FBN2: variants seen among roughly 807,000 people sequenced by gnomAD.
The protein encoded by FBN2 is fibrillin-2.
In FBN2, 105 loss-of-function variants were observed where a neutral mutation model predicts 355.6. The observed-to-expected ratio is 0.30, with a 90% CI of 0.25 to 0.35. The LOEUF (loss-of-function observed/expected upper bound fraction) is 0.35. FBN2 is among the 10% of genes least tolerant of loss of function. The pLI is 1.00. For synonymous variants in FBN2, 1,350 were observed against 1,301.2 expected (o/e 1.04, Z -0.81); for missense variants, 3,280 against 3,758.7 (o/e 0.87, Z 3.33).
At chr5:128,461,045 C>G (rs886647282) in intron 6 of FBN2, among the ~76,000 whole-genome samples, 10 of 152,130 alleles carry the variant, frequency 6.6e-5, no homozygotes, top group African/African-American at 2.4e-4. Context: ...GCAAAAGTAA[C>G]TATCATTAGA....
chr5:128,340,793 AGT>A (rs1750993111), intron 25 of FBN2, among the ~76,000 whole-genome samples: 1 of 151,886 alleles, frequency 6.6e-6, no homozygotes, highest in Non-Finnish European at 1.5e-5. Flanking sequence ...TCTCATAGAA[AGT>A]GCTCTCTCTT....
chr5:128,459,284 A>T (rs1357269526), intron 6 of FBN2, among the ~76,000 whole-genome samples: 1 of 152,134 alleles, frequency 6.6e-6, no homozygotes, highest in Non-Finnish European at 1.5e-5. Context: ...ACCACTAACA[A>T]GCTCTGAAAT....
chr5:128,509,107 T>C (rs763362896), intron 5 of FBN2, among the ~76,000 whole-genome samples: 1 of 152,086 alleles, frequency 6.6e-6, no homozygotes, highest in Non-Finnish European at 1.5e-5. Context: ...TGGGGATTCA[T>C]TGATCTTGGG....
chr5:128,442,338 A>G (rs1337035748), intron 7 of FBN2: 1 of 456,702 alleles, frequency 2.2e-6, no homozygotes, highest in South Asian at 1.5e-5. Flanking sequence ...TCACGCAAGG[A>G]CATCTGGCTC....
intron 7 of FBN2, among the ~76,000 whole-genome samples, chr5:128,433,747 C>A (rs1479932266): frequency 6.6e-6 from 1 of 152,212 alleles, no homozygotes; most frequent in Non-Finnish European, 1.5e-5. Context: ...CACAAACCTG[C>A]AACCCAACCC....
chr5:128,298,439 C>G (rs1749592895), intron 48 of FBN2, among the ~76,000 whole-genome samples: 2 of 152,174 alleles, frequency 1.3e-5, no homozygotes, highest in African/African-American at 4.8e-5. Flanking sequence ...TGTTTTCCAA[C>G]TTGGTTCCAT....
intron 7 of FBN2, among the ~76,000 whole-genome samples, chr5:128,433,683 C>T (rs1303462387): frequency 6.6e-6 from 1 of 152,180 alleles, no homozygotes; most frequent in Non-Finnish European, 1.5e-5. Flanking sequence ...AATTTGATAG[C>T]ATACAGCTGT....
intron 8 of FBN2, among the ~76,000 whole-genome samples, chr5:128,398,212 G>A (rs1483172713): frequency 6.6e-6 from 1 of 151,954 alleles, no homozygotes; most frequent in Non-Finnish European, 1.5e-5. Context: ...ATTAATGAAA[G>A]TCTCAAAAAA....
intron 5 of FBN2, among the ~76,000 whole-genome samples, chr5:128,478,100 A>G (rs1755053264): frequency 6.6e-6 from 1 of 152,208 alleles, no homozygotes; most frequent in Non-Finnish European, 1.5e-5. Flanking sequence ...CCACGGCATT[A>G]CAGCCCAAGC....
chr5:128,430,689 C>T (rs1397091149), intron 7 of FBN2, among the ~76,000 whole-genome samples: 1 of 151,700 alleles, frequency 6.6e-6, no homozygotes, highest in Non-Finnish European at 1.5e-5. Context: ...ACTAAAAATA[C>T]AAAAATCAGC....
At chr5:128,289,737 A>G in intron 51 of FBN2, 145 bp downstream of exon 51, 1 of 627,166 alleles carries the variant, frequency 1.6e-6, no homozygotes, top group African/African-American at 1.8e-5. Flanking sequence ...TATAATGTAT[A>G]TGATACAAAA....
intron 28 of FBN2, 139 bp from the exon 29 acceptor site, chr5:128,335,716 T>C: frequency 1.8e-6 from 2 of 1,083,952 alleles, no homozygotes; most frequent in Non-Finnish European, 2.8e-6. Flanking sequence ...TCTTTCTTAG[T>C]TCTTTCACCT....
intron 17 of FBN2, among the ~76,000 whole-genome samples, chr5:128,364,977 G>A (rs929470208): frequency 7.2e-5 from 11 of 152,188 alleles, no homozygotes; most frequent in South Asian, 2.1e-4. Flanking sequence ...GTTAAATCAC[G>A]AAATATGCCA....
At chr5:128,287,533 G>T in intron 53 of FBN2, 103 bp from the exon 54 acceptor site, 1 of 1,281,058 alleles carries the variant, frequency 7.8e-7, no homozygotes, top group African/African-American at 1.5e-5. Context: ...CAAAGCAATA[G>T]AATAGTAGAA....
intron 7 of FBN2, among the ~76,000 whole-genome samples, chr5:128,411,888 G>A (rs1256567150): frequency 6.6e-6 from 1 of 152,144 alleles, no homozygotes; most frequent in Non-Finnish European, 1.5e-5. Flanking sequence ...CATGCATTTA[G>A]CTCTTTTGAA....
chr5:128,460,145 A>G (rs1258130392), intron 6 of FBN2, among the ~76,000 whole-genome samples: 2 of 152,206 alleles, frequency 1.3e-5, no homozygotes, highest in Non-Finnish European at 1.5e-5. Context: ...TGCAAAAATC[A>G]TAAGCATTCC....
chr5:128,267,227 G>C (rs1413249630), intron 62 of FBN2, among the ~76,000 whole-genome samples: 5 of 152,124 alleles, frequency 3.3e-5, no homozygotes, highest in Non-Finnish European at 7.3e-5. Flanking sequence ...GTCTATCATG[G>C]GCATTTGGGT....
At chr5:128,509,072 T>A (rs901143961) in intron 5 of FBN2, among the ~76,000 whole-genome samples, 1 of 152,158 alleles carries the variant, frequency 6.6e-6, no homozygotes, top group African/African-American at 2.4e-5. Flanking sequence ...TATCTTAATA[T>A]AATTTTCTTC....
At chr5:128,389,456 T>C (rs1300001404) in intron 11 of FBN2, among the ~76,000 whole-genome samples, 3 of 152,224 alleles carry the variant, frequency 2.0e-5, no homozygotes, top group Non-Finnish European at 4.4e-5. Context: ...GACACAGCCA[T>C]GCAGGGACAC....
Sources: allele counts gnomAD v4.1 joint callset (sites outside exome capture counted in the v4.1 genomes callset), GRCh38; gene constraint gnomAD v4.1.1; transcripts MANE v1.5; gene names NCBI Gene and HGNC (gene_info 2026-07-23, HGNC 2026-07-21).